GPR19: variants seen among roughly 807,000 people sequenced by gnomAD.
The protein encoded by GPR19 is G protein-coupled receptor 19, also known as probable G protein-coupled receptor 19.
GPR19 carries 14 observed loss-of-function variants against 28.5 expected under a neutral mutation model. The observed-to-expected ratio is 0.49, with a 90% CI of 0.32 to 0.77. The LOEUF (loss-of-function observed/expected upper bound fraction) is 0.77. Ranked by LOEUF, GPR19 falls within the 30% of genes least tolerant of loss-of-function variation. GPR19 has a pLI of 0.03. For missense variants in GPR19, 409 were observed against 504.1 expected, an observed-to-expected ratio of 0.81 and a Z score of 1.81; for synonymous variants, 173 against 184.1, an observed-to-expected ratio of 0.94 and a Z score of 0.49.
In GPR19 at chr12:12,695,524, AAG is replaced by A. The variant is rs1187697971; in HGVS notation, c.-232-15_-232-14del. On this transcript the variant is annotated splice_polypyrimidine_tract_variant and intron_variant, in intron 1 of 3. Transcript: ENST00000651487. ...TGTCCCATATATCCTGAGAGACAAA[AAG>A]AGGTCAGATTGGTCAGATCCCTCGA... 1.3e-5 allele frequency: 2 copies of A among 152,196 alleles called. No homozygotes were observed. Among genetic ancestry groups the A allele is most frequent in the African/African-American group, 4.8e-5 (2 of 41,448 alleles). The allele number at this position is 152,196 out of a possible 1,614,324, so 9.4% of individuals were successfully genotyped here. A position where few individuals can be genotyped will look rare whatever the true frequency, so the allele number is the denominator to read the frequency against.
At chr12:12,671,881 A>G (rs1945859176) in intron 3 of GPR19, among the ~76,000 whole-genome samples, 1 of 152,172 alleles carries the variant, frequency 6.6e-6, no homozygotes, top group Admixed American at 6.5e-5. Context: ...TCAGTTTTAT[A>G]TTTTATCAGT....
upstream of GPR19, among the ~76,000 whole-genome samples, chr12:12,700,491 G>A (rs1277669261): frequency 6.6e-6 from 1 of 152,124 alleles, no homozygotes; most frequent in African/African-American, 2.4e-5. Flanking sequence ...GGAGGCTTAG[G>A]GAAGTATGTA....
chr12:12,696,339 CTT>C (rs578240364), upstream of GPR19: 21 of 88,660 alleles, frequency 2.4e-4, no homozygotes, highest in African/African-American at 5.5e-4. Flanking sequence ...CCCACCCGCC[CTT>C]TTTTTTTTTT....
intron 3 of GPR19, among the ~76,000 whole-genome samples, chr12:12,678,825 C>T (rs1026117968): frequency 2.0e-5 from 3 of 152,180 alleles, no homozygotes; most frequent in East Asian, 1.9e-4. Flanking sequence ...GAGACAGAGT[C>T]GCACTCTGTT....
intron 3 of GPR19, among the ~76,000 whole-genome samples, chr12:12,674,942 T>C (rs576831544): frequency 8.5e-5 from 13 of 152,250 alleles, no homozygotes; most frequent in African/African-American, 2.9e-4. Flanking sequence ...TAAGAGAGCA[T>C]GGTGAGGACC....
chr12:12,692,283 T>C (rs1387708094), intron 2 of GPR19, among the ~76,000 whole-genome samples: 2 of 152,222 alleles, frequency 1.3e-5, no homozygotes, highest in South Asian at 2.1e-4. Context: ...TGGCCACTTA[T>C]CTAACTCCAG....
At chr12:12,670,939 T>C (rs1397363071) in intron 3 of GPR19, among the ~76,000 whole-genome samples, 2 of 152,118 alleles carry the variant, frequency 1.3e-5, no homozygotes, top group African/African-American at 4.8e-5. Context: ...CTTTTTAAGG[T>C]ATCCTACATC....
intron 2 of GPR19, among the ~76,000 whole-genome samples, chr12:12,691,161 TATAAA>T (rs1167752963): frequency 1.3e-5 from 2 of 151,548 alleles, no homozygotes; most frequent in African/African-American, 2.4e-5. Context: ...AACTAAAAAA[TATAAA>T]ATAAAATAAA....
At chr12:12,715,837 C>T in the GPR19 span, 1 of 152,186 alleles carries the variant, frequency 6.6e-6, no homozygotes, top group East Asian at 1.9e-4. Context: ...ACCACAGGGT[C>T]CCGAGGGTCC....
chr12:12,717,062 G>A, the GPR19 span: 1 of 1,007,900 alleles, frequency 9.9e-7, no homozygotes, highest in Non-Finnish European at 1.2e-6. Context: ...CGCAGCGCCG[G>A]GCCCCGAACC....
chr12:12,661,288 G>A lies in GPR19; in HGVS notation c.1161C>T (p.Asp387=). The A allele has an allele frequency of 1.2e-6, 2 of 1,613,706 alleles. No homozygotes were observed. Among genetic ancestry groups the A allele is most frequent in the South Asian group, 2.2e-5 (2 of 91,076 alleles). The change falls in exon 4 of 4, where the codon GAC becomes GAT. Residue 387 remains aspartate (D), a synonymous_variant. Transcript: ENST00000651487. This position sits in a 1 kb window ranked among gnomAD's most constrained non-coding sequence, Gnocchi z 4.2. ...IPSMAKTITK[D]SIYDSFDREA... is the part of the protein sequence containing the mutation. ...CTCTGTCAAATGAGTCATAGATCGA[G>A]TCTTTGGTAATAGTTTTGGCCATGG...
the GPR19 span, among the ~76,000 whole-genome samples, chr12:12,701,844 T>C: frequency 1.3e-5 from 2 of 148,852 alleles, no homozygotes; most frequent in African/African-American, 2.5e-5. Context: ...GGTGGCAGAA[T>C]TGCTTGAGCC....
At chr12:12,705,662 C>T in the GPR19 span, among the ~76,000 whole-genome samples, 4 of 152,038 alleles carry the variant, frequency 2.6e-5, no homozygotes, top group Non-Finnish European at 4.4e-5. Context: ...ATCCTCTCAC[C>T]TCAGCCTCCC....
chr12:12,689,592 T>A (rs1946153282), intron 2 of GPR19, among the ~76,000 whole-genome samples: 1 of 152,204 alleles, frequency 6.6e-6, no homozygotes, highest in Non-Finnish European at 1.5e-5. Flanking sequence ...GACACTTTTT[T>A]TTTTTCCTGT....
chr12:12,705,750 A>C, the GPR19 span, among the ~76,000 whole-genome samples: 18 of 152,064 alleles, frequency 1.2e-4, no homozygotes, highest in African/African-American at 3.4e-4. Flanking sequence ...GGGTTTCACT[A>C]TGTTGCCCAG....
At chr12:12,685,199 A>G (rs1946075665) in intron 2 of GPR19, 1 of 151,978 alleles carries the variant, frequency 6.6e-6, no homozygotes, top group Admixed American at 6.6e-5. Flanking sequence ...CTTAAACCCA[A>G]AAGACCATCC....
At chr12:12,704,258 T>A in the GPR19 span, among the ~76,000 whole-genome samples, 1 of 152,172 alleles carries the variant, frequency 6.6e-6, no homozygotes, top group Admixed American at 6.5e-5. Context: ...TCCCAGCACT[T>A]TGGGAGGCTG....
At chr12:12,687,227 G>C (rs888097054) in intron 2 of GPR19, among the ~76,000 whole-genome samples, 5 of 152,310 alleles carry the variant, frequency 3.3e-5, no homozygotes, top group Admixed American at 1.3e-4. Flanking sequence ...TTAATATTTG[G>C]CTTCTGAAAT....
the GPR19 span, among the ~76,000 whole-genome samples, chr12:12,714,394 C>A: frequency 1.9e-4 from 29 of 152,278 alleles, no homozygotes; most frequent in Admixed American, 1.1e-3. Flanking sequence ...TGGGAGCTGG[C>A]GACGCTGGCG....
Sources: allele counts gnomAD v4.1 joint callset (sites outside exome capture counted in the v4.1 genomes callset), GRCh38; gene constraint gnomAD v4.1.1; non-coding constraint Gnocchi (gnomAD v3.1); transcripts MANE v1.5; gene names NCBI Gene and HGNC (gene_info 2026-07-23, HGNC 2026-07-21).